RTN4RL1: variants seen among roughly 807,000 people sequenced by gnomAD.
RTN4RL1 encodes the protein reticulon 4 receptor like 1, also known as reticulon-4 receptor-like 1.
A neutral mutation model predicts 25.6 loss-of-function variants in RTN4RL1; 7 were observed. The observed-to-expected ratio is 0.27, with a 90% confidence interval of 0.16 to 0.51. The LOEUF is 0.51. Among genes scored for constraint, RTN4RL1 ranks in the 20% least tolerant of loss-of-function variants. RTN4RL1 has a pLI of 0.97. For missense variants in RTN4RL1, 500 were observed against 615.6 expected, an observed-to-expected ratio of 0.81 and a Z score of 1.99; for synonymous variants, 297 against 288.2, an observed-to-expected ratio of 1.03 and a Z score of -0.31.
intron 1 of RTN4RL1, among the ~76,000 whole-genome samples, chr17:1,950,464 G>A (rs149363683): frequency 2.4e-4 from 37 of 152,288 alleles, no homozygotes; most frequent in African/African-American, 8.7e-4. Flanking sequence ...TTAGAGAGAT[G>A]TTTAGTTGGC....
At chr17:1,953,549 T>TA (rs1308702648) in intron 1 of RTN4RL1, among the ~76,000 whole-genome samples, 4 of 141,990 alleles carry the variant, frequency 2.8e-5, no homozygotes, top group Non-Finnish European at 6.2e-5. Flanking sequence ...ACTCAAAGTA[T>TA]AAAAAAAATT....
intron 1 of RTN4RL1, among the ~76,000 whole-genome samples, chr17:1,977,870 G>A (rs1243343102): frequency 6.6e-6 from 1 of 151,846 alleles, no homozygotes; most frequent in Admixed American, 6.6e-5. Flanking sequence ...CCGGGGTCGG[G>A]GGCGCATCCT....
chr17:1,938,773 G>A (rs1293470369), intron 1 of RTN4RL1, among the ~76,000 whole-genome samples: 2 of 151,918 alleles, frequency 1.3e-5, no homozygotes, highest in Admixed American at 6.6e-5. Context: ...AGACATGGCC[G>A]GGCGCGGTGG....
At chr17:1,990,914 T>C (rs2066905741) in intron 1 of RTN4RL1, among the ~76,000 whole-genome samples, 1 of 152,138 alleles carries the variant, frequency 6.6e-6, no homozygotes, top group Non-Finnish European at 1.5e-5. Flanking sequence ...CACACAGCCC[T>C]GCACCCACCC....
intron 1 of RTN4RL1, among the ~76,000 whole-genome samples, chr17:2,007,450 G>A (rs530734649): frequency 5.3e-5 from 8 of 151,782 alleles, no homozygotes; most frequent in Admixed American, 2.0e-4. Flanking sequence ...AATGGATGTC[G>A]CCGACCTCTT....
At chr17:1,953,668 G>A (rs893857055) in intron 1 of RTN4RL1, among the ~76,000 whole-genome samples, 4 of 152,002 alleles carry the variant, frequency 2.6e-5, no homozygotes, top group Non-Finnish European at 5.9e-5. Context: ...GGGTTCAAGC[G>A]ATTCTCCTGC....
intron 1 of RTN4RL1, among the ~76,000 whole-genome samples, chr17:2,000,747 T>C (rs1210057241): frequency 6.6e-6 from 1 of 152,134 alleles, no homozygotes; most frequent in East Asian, 1.9e-4. Context: ...CTTGAACTCC[T>C]GACCTCAGGT....
intron 1 of RTN4RL1, among the ~76,000 whole-genome samples, chr17:1,974,495 T>C (rs566353050): frequency 1.3e-5 from 2 of 152,132 alleles, no homozygotes; most frequent in Non-Finnish European, 2.9e-5. Context: ...CATTATGTAA[T>C]TTGAGGAGAG....
Position 1,994,304 on chromosome 17 carries a change from C to G in RTN4RL1, c.13+30549G>C, listed in dbSNP as rs2066921029. Among the ~76,000 whole-genome samples, 2 of 151,894 alleles carry G rather than the reference C, an allele frequency of 1.3e-5. No individual in the cohort carries two copies. The highest frequency in any genetic ancestry group is 4.2e-4 in the South Asian group (2 of 4,808). On this transcript the variant is annotated intron_variant, in intron 1 of 1. Coordinates refer to ENST00000331238, the MANE Select transcript of RTN4RL1 (RefSeq NM_178568.4). The surrounding 1 kb of genome is among the most constrained non-coding windows in gnomAD (Gnocchi z 4.3). ...GAGGAGGGAGTCCAGGGACAGGGGG[C>G]CAGCAACTAGATGCCTTGGGGGCAC...
chr17:1,946,060 G>T (rs549418345), intron 1 of RTN4RL1, among the ~76,000 whole-genome samples: 1 of 152,164 alleles, frequency 6.6e-6, no homozygotes, highest in African/African-American at 2.4e-5. Flanking sequence ...GTGACCACAC[G>T]GTGAGGAGAG....
intron 1 of RTN4RL1, among the ~76,000 whole-genome samples, chr17:2,018,759 G>A (rs958044281): frequency 1.3e-5 from 2 of 152,144 alleles, no homozygotes; most frequent in African/African-American, 4.8e-5. Context: ...ACGGAGGAAT[G>A]AGCACAGACG....
At chr17:2,004,541 A>C (rs1247855036) in intron 1 of RTN4RL1, among the ~76,000 whole-genome samples, 1 of 152,150 alleles carries the variant, frequency 6.6e-6, no homozygotes, top group Non-Finnish European at 1.5e-5. Flanking sequence ...GTGGACTGGC[A>C]GTTCTTGGAT....
intron 1 of RTN4RL1, among the ~76,000 whole-genome samples, chr17:2,007,336 CA>C (rs1491554421): frequency 1.9e-5 from 1 of 51,798 alleles, no homozygotes; most frequent in East Asian, 5.9e-4. Flanking sequence ...TTCACAGCCC[CA>C]ACACACACAC....
At chr17:1,968,973 A>C (rs1162703887) in intron 1 of RTN4RL1, among the ~76,000 whole-genome samples, 1 of 151,594 alleles carries the variant, frequency 6.6e-6, no homozygotes, top group Non-Finnish European at 1.5e-5. Flanking sequence ...AGCCCAGGAA[A>C]CCAACCCATG....
intron 1 of RTN4RL1, among the ~76,000 whole-genome samples, 162 bp from the exon 2 acceptor site, chr17:1,937,970 C>T (rs1293494819): frequency 6.6e-6 from 1 of 152,250 alleles, no homozygotes; most frequent in African/African-American, 2.4e-5. Context: ...AAGCCTGGAA[C>T]CCGTCGGGGA....
In RTN4RL1 at chr17:1,936,348, G is replaced by T. The variant is rs1597482756; in HGVS notation, c.*148C>A. On this transcript the variant is annotated 3_prime_UTR_variant, in exon 2 of 2. Transcript: ENST00000331238. ...ACACTTTGGGTTTATAATCCACATG[G>T]CAGGGTCCAGACGTCCAGACAGCAG... is the stretch of plus-strand genomic sequence containing the variant. 7.0e-7 allele frequency: 1 copy of T among 1,429,838 alleles called. No homozygotes were observed. Among genetic ancestry groups the T allele is most frequent in the East Asian group, 2.6e-5 (1 of 38,910 alleles). The allele number at this position is 1,429,838 out of a possible 1,614,324, so 88.6% of individuals were successfully genotyped here.
intron 1 of RTN4RL1, among the ~76,000 whole-genome samples, chr17:1,955,203 C>G (rs914528863): frequency 6.6e-6 from 1 of 152,122 alleles, no homozygotes; most frequent in African/African-American, 2.4e-5. Context: ...GGTCCCCAAC[C>G]CTATTTCTCC....
chr17:1,938,517 GT>G (rs1915362999), intron 1 of RTN4RL1, among the ~76,000 whole-genome samples: 1 of 151,574 alleles, frequency 6.6e-6, no homozygotes, highest in Admixed American at 6.6e-5. Context: ...GGCCAGGCTG[GT>G]CTCGAACTCC....
chr17:1,965,912 C>T (rs2066789086), intron 1 of RTN4RL1, among the ~76,000 whole-genome samples: 1 of 152,050 alleles, frequency 6.6e-6, no homozygotes, highest in Non-Finnish European at 1.5e-5. Context: ...AGGGATGGCT[C>T]GCTCTCTTTC....
Sources: gnomAD v4.1 joint callset for allele counts (sites outside exome capture counted in the v4.1 genomes callset) on GRCh38, gnomAD v4.1.1 for gene constraint, Gnocchi (gnomAD v3.1) non-coding constraint, MANE v1.5 for transcripts, NCBI Gene and HGNC (gene_info 2026-07-23, HGNC 2026-07-21) for gene names.